CLVS1: variants seen among roughly 807,000 people sequenced by gnomAD.
CLVS1 encodes clavesin 1.
A neutral mutation model predicts 33.1 loss-of-function variants in CLVS1; 10 were observed. The observed-to-expected ratio is 0.30, with a 90% confidence interval of 0.19 to 0.51. CLVS1 has a LOEUF of 0.51. Among genes scored for constraint, CLVS1 ranks in the 20% least tolerant of loss-of-function variants. CLVS1 has a pLI of 0.97. For synonymous variants in CLVS1, 163 were observed against 166.1 expected, an observed-to-expected ratio of 0.98 and a Z score of 0.14; for missense variants, 343 against 433.4, an observed-to-expected ratio of 0.79 and a Z score of 1.85.
intron 2 of CLVS1, among the ~76,000 whole-genome samples, chr8:61,196,552 T>C (rs2129303911): frequency 6.6e-6 from 1 of 152,346 alleles, no homozygotes; most frequent in Middle Eastern, 3.4e-3. Context: ...ACAGTTGAAC[T>C]TGGTGTCTTG....
At chr8:61,435,967 A>G (rs1816316292) in intron 3 of CLVS1, among the ~76,000 whole-genome samples, 1 of 152,226 alleles carries the variant, frequency 6.6e-6, no homozygotes, top group African/African-American at 2.4e-5. Flanking sequence ...TGTAACATCC[A>G]CAAATAAACA....
chr8:61,428,963 CTTAG>C (rs1185525412), intron 3 of CLVS1, among the ~76,000 whole-genome samples: 3 of 152,122 alleles, frequency 2.0e-5, no homozygotes, highest in African/African-American at 4.8e-5. Context: ...GTATGTGTGT[CTTAG>C]TTTGTTTGTG....
upstream of CLVS1, chr8:61,287,818 T>C (rs1739399459): frequency 6.0e-6 from 2 of 331,218 alleles, no homozygotes; most frequent in Non-Finnish European, 1.2e-5. Context: ...TGGGGAGTGA[T>C]GACGCTGGTA....
At chr8:61,214,557 C>CAGGGAAGACACAGGG (rs1808045498) in intron 2 of CLVS1, among the ~76,000 whole-genome samples, 1 of 152,196 alleles carries the variant, frequency 6.6e-6, no homozygotes. Flanking sequence ...AGGCAGCCAT[C>CAGGGAAGACACAGGG]TAAAGGCCAT....
At position 61,088,946 on chromosome 8, in the gene CLVS1, C is replaced by T. The variant is rs534898336; in HGVS notation, c.-243+31716C>T. 1.9e-3 allele frequency among the ~76,000 whole-genome samples: 290 copies of T among 151,982 alleles called. 1 individual carries two copies. The highest frequency in any genetic ancestry group is 0.017 in the Middle Eastern group (5 of 292). ...CCTCCCAAGTAGCTGGGACTACAGGCGCCTGCCACTACGCCTGGCTAATTT... is the reference window on the plus strand; with the variant it reads ...CCTCCCAAGTAGCTGGGACTACAGGTGCCTGCCACTACGCCTGGCTAATTT... On this transcript the variant is annotated intron_variant, in intron 1 of 2. Coordinates refer to the CLVS1 transcript ENST00000522621.
chr8:61,322,196 A>G (rs1471976613), intron 2 of CLVS1, among the ~76,000 whole-genome samples: 2 of 152,198 alleles, frequency 1.3e-5, no homozygotes, highest in Non-Finnish European at 2.9e-5. Context: ...CAGTGTGAGT[A>G]AATATCCAGG....
At chr8:61,460,889 A>C (rs183137658) in intron 5 of CLVS1, among the ~76,000 whole-genome samples, 2 of 152,298 alleles carry the variant, frequency 1.3e-5, no homozygotes, top group Admixed American at 1.3e-4. Flanking sequence ...TTCATCTCCT[A>C]TTACAGTTCT....
At chr8:60,997,415 G>A in the CLVS1 span, among the ~76,000 whole-genome samples, 1 of 152,174 alleles carries the variant, frequency 6.6e-6, no homozygotes, top group Non-Finnish European at 1.5e-5. Context: ...TGTGTGCTGA[G>A]AACAAATACA....
the CLVS1 span, among the ~76,000 whole-genome samples, chr8:61,033,031 A>T: frequency 1.6e-3 from 201 of 122,106 alleles, 2 homozygotes; most frequent in African/African-American, 6.0e-3. Context: ...GAAAGAAAGA[A>T]AGAAAGAAAG....
At chr8:61,031,710 T>A in the CLVS1 span, among the ~76,000 whole-genome samples, 1 of 152,132 alleles carries the variant, frequency 6.6e-6, no homozygotes, top group African/African-American at 2.4e-5. Context: ...GTAGCGTGAG[T>A]GGCATAAATA....
At position 61,288,134 on chromosome 8, in the gene CLVS1, T is replaced by A; in HGVS notation, c.-156T>A. On this transcript the variant is annotated 5_prime_UTR_variant, in exon 1 of 6. Transcript: ENST00000325897. Reference sequence around the variant, plus strand: ...CCCAAAGCAAGGCTGGGCGGCCGTGTGAAGGTATTTGTTACCTTTTTTCTC... The same window carrying A: ...CCCAAAGCAAGGCTGGGCGGCCGTGAGAAGGTATTTGTTACCTTTTTTCTC... 2.2e-6 allele frequency: 1 copy of A among 456,330 alleles called. No homozygotes were observed. The highest frequency in any genetic ancestry group is 4.4e-6 in the Non-Finnish European group (1 of 226,974). 28.3% of individuals were successfully genotyped at this position (456,330 alleles called of 1,614,324 possible).
chr8:61,166,956 A>C (rs983560096), intron 2 of CLVS1, among the ~76,000 whole-genome samples: 1 of 149,866 alleles, frequency 6.7e-6, no homozygotes, highest in African/African-American at 2.4e-5. Flanking sequence ...TAGTCAACTG[A>C]AACACCATTT....
At chr8:60,985,087 T>G in the CLVS1 span, among the ~76,000 whole-genome samples, 2 of 152,218 alleles carry the variant, frequency 1.3e-5, no homozygotes, top group Non-Finnish European at 2.9e-5. Flanking sequence ...AGAAGGAAGA[T>G]TTCGGACCAA....
the CLVS1 span, among the ~76,000 whole-genome samples, chr8:60,983,421 G>A: frequency 6.6e-6 from 1 of 152,142 alleles, no homozygotes; most frequent in Non-Finnish European, 1.5e-5. Flanking sequence ...ATTGTTTTCC[G>A]GGATGCAGCT....
chr8:61,416,389 G>A (rs1319595571), intron 3 of CLVS1, among the ~76,000 whole-genome samples: 3 of 152,000 alleles, frequency 2.0e-5, no homozygotes, highest in African/African-American at 4.8e-5. Context: ...TAGAACAATA[G>A]GTGGGGAAAA....
chr8:61,342,561 C>T (rs1812064249), intron 2 of CLVS1, among the ~76,000 whole-genome samples: 1 of 152,232 alleles, frequency 6.6e-6, no homozygotes, highest in Admixed American at 6.5e-5. Context: ...GCTGTTCTCT[C>T]CGTGCTTGTG....
Position 61,237,628 on chromosome 8 carries a change from A to G in CLVS1, c.-151-62049A>G, listed in dbSNP as rs1467934707. ...AGTGAATTATCCTCCAAGTTTGACAAAAATTCTAGGACCTTGGGATAGGTC... is the reference window on the plus strand; with the variant it reads ...AGTGAATTATCCTCCAAGTTTGACAGAAATTCTAGGACCTTGGGATAGGTC... On this transcript the variant is annotated intron_variant, in intron 2 of 2. Coordinates refer to the CLVS1 transcript ENST00000522621. Among the ~76,000 whole-genome samples the G allele has an allele frequency of 2.6e-5, 4 of 152,190 alleles. No homozygotes were observed. The South Asian group carries it at 6.2e-4, about 24-fold the overall frequency.
At chr8:61,126,900 A>C (rs1805983448) in intron 1 of CLVS1, among the ~76,000 whole-genome samples, 1 of 152,224 alleles carries the variant, frequency 6.6e-6, no homozygotes, top group African/African-American at 2.4e-5. Flanking sequence ...CTTAAGTAGC[A>C]CAGAAGACTC....
chr8:61,391,371 A>T (rs921722443), intron 3 of CLVS1: 3 of 152,230 alleles, frequency 2.0e-5, no homozygotes, highest in Admixed American at 6.5e-5. Context: ...CCAGGATGGG[A>T]TGAAGATTAA....
Sources: gnomAD v4.1 joint callset for allele counts (sites outside exome capture counted in the v4.1 genomes callset) on GRCh38, gnomAD v4.1.1 for gene constraint, MANE v1.5 for transcripts, NCBI Gene and HGNC (gene_info 2026-07-23, HGNC 2026-07-21) for gene names.